Variants in SDK1 observed in about 807,000 individuals in gnomAD.
SDK1 encodes protein sidekick-1.
Under a neutral mutation model 245.5 loss-of-function variants are expected in SDK1, and 157 were observed. That is an observed-to-expected ratio of 0.64 (90% CI 0.56 to 0.73). The LOEUF is 0.73. Among genes scored for constraint, SDK1 ranks in the 30% least tolerant of loss-of-function variants. The pLI is 0.00. For missense variants in SDK1, 3,583 were observed against 3,002.3 expected, an observed-to-expected ratio of 1.19 and a Z score of -4.52; for synonymous variants, 1,647 against 1,278.5, an observed-to-expected ratio of 1.29 and a Z score of -6.15.
At chr7:3,518,599 C>G (rs970400654) in intron 1 of SDK1, among the ~76,000 whole-genome samples, 1 of 151,938 alleles carries the variant, frequency 6.6e-6, no homozygotes, top group Middle Eastern at 3.4e-3. Context: ...CATCACTAAT[C>G]AGGGAAATGC....
chr7:3,476,145 A>G (rs899471667), intron 1 of SDK1: 3 of 152,640 alleles, frequency 2.0e-5, no homozygotes, highest in African/African-American at 7.2e-5. Context: ...CGTTTCACTC[A>G]TGAAAGGTTT....
intron 1 of SDK1, among the ~76,000 whole-genome samples, chr7:3,361,427 C>A (rs1048283516): frequency 6.6e-6 from 1 of 152,160 alleles, no homozygotes; most frequent in African/African-American, 2.4e-5. Flanking sequence ...TTTTCTGTTT[C>A]AAGTTCTTGC....
At chr7:3,857,849 C>G (rs1393430983) in intron 5 of SDK1, among the ~76,000 whole-genome samples, 1 of 151,906 alleles carries the variant, frequency 6.6e-6, no homozygotes. Flanking sequence ...AGGAACATAC[C>G]ATTCACTGTA....
intron 4 of SDK1, among the ~76,000 whole-genome samples, chr7:3,656,661 A>G (rs1048166338): frequency 1.3e-5 from 2 of 151,720 alleles, no homozygotes; most frequent in African/African-American, 4.9e-5. Context: ...GACTCAACCC[A>G]TACATGCTCC....
chr7:3,635,166 G>A (rs1429300419), intron 2 of SDK1, among the ~76,000 whole-genome samples: 5 of 152,094 alleles, frequency 3.3e-5, no homozygotes, highest in African/African-American at 1.2e-4. Flanking sequence ...TTGGCTCTTT[G>A]CATTCAATTT....
intron 2 of SDK1, among the ~76,000 whole-genome samples, chr7:3,631,321 C>T (rs1782281568): frequency 6.6e-6 from 1 of 152,172 alleles, no homozygotes; most frequent in South Asian, 2.1e-4. Flanking sequence ...TAATTGAGAA[C>T]TCTTTTCTCA....
chr7:3,462,744 C>G (rs749957604), intron 1 of SDK1, among the ~76,000 whole-genome samples: 1 of 152,150 alleles, frequency 6.6e-6, no homozygotes, highest in African/African-American at 2.4e-5. Context: ...CCCCTCCTCT[C>G]TCTATTGCCG....
chr7:3,791,605 C>G (rs1022528362), intron 4 of SDK1, among the ~76,000 whole-genome samples: 5 of 152,134 alleles, frequency 3.3e-5, no homozygotes, highest in Admixed American at 6.5e-5. Context: ...GGGATGGTAC[C>G]ACTTGCTCCC....
At chr7:3,419,385 T>A (rs539159646) in intron 1 of SDK1, among the ~76,000 whole-genome samples, 2 of 152,320 alleles carry the variant, frequency 1.3e-5, no homozygotes, top group Non-Finnish European at 1.5e-5. Context: ...CTTGTGCCTC[T>A]GCCCTTTTGC....
At chr7:3,778,718 C>T (rs577034071) in intron 4 of SDK1, among the ~76,000 whole-genome samples, 1 of 152,150 alleles carries the variant, frequency 6.6e-6, no homozygotes, top group Non-Finnish European at 1.5e-5. Flanking sequence ...GTATACTTGG[C>T]GGAATGGCTG....
At chr7:3,494,946 C>A (rs1322025720) in intron 1 of SDK1, among the ~76,000 whole-genome samples, 1 of 152,238 alleles carries the variant, frequency 6.6e-6, no homozygotes, top group African/African-American at 2.4e-5. Flanking sequence ...TCTTGAGTTA[C>A]AAGCCATTAT....
intron 30 of SDK1, among the ~76,000 whole-genome samples, chr7:4,156,072 C>A (rs570372642): frequency 2.6e-5 from 4 of 152,284 alleles, no homozygotes; most frequent in Non-Finnish European, 5.9e-5. Context: ...CTCAGTTTCA[C>A]GATGCCTGTG....
intron 1 of SDK1, among the ~76,000 whole-genome samples, chr7:3,560,223 G>C (rs1018628407): frequency 6.6e-6 from 1 of 152,138 alleles, no homozygotes; most frequent in Non-Finnish European, 1.5e-5. Context: ...CGTATCTTTA[G>C]AAGTACGTAC....
chr7:3,623,679 G>A (rs189933221), intron 2 of SDK1, among the ~76,000 whole-genome samples: 2 of 152,170 alleles, frequency 1.3e-5, no homozygotes, highest in African/African-American at 4.8e-5. Context: ...TTTCCAGAAA[G>A]CATTTAGTCT....
At chr7:3,836,861 A>C (rs1468805707) in intron 5 of SDK1, among the ~76,000 whole-genome samples, 1 of 152,102 alleles carries the variant, frequency 6.6e-6, no homozygotes, top group Non-Finnish European at 1.5e-5. Flanking sequence ...GAAGTCCAAG[A>C]TGAAACCAGC....
intron 23 of SDK1, among the ~76,000 whole-genome samples, chr7:4,111,021 G>A (rs1783304680): frequency 6.6e-6 from 1 of 152,144 alleles, no homozygotes; most frequent in African/African-American, 2.4e-5. Flanking sequence ...ACACCCCATA[G>A]AAATGGCCCA....
At chr7:3,619,040 G>C in intron 1 of SDK1, 40 bp from the exon 2 acceptor site, 1 of 1,458,844 alleles carries the variant, frequency 6.9e-7, no homozygotes, top group African/African-American at 1.4e-5. Flanking sequence ...ACTTTCATGC[G>C]TACTTCAGTT....
At chr7:3,812,951 CT>C (rs1212165027) in intron 4 of SDK1, among the ~76,000 whole-genome samples, 7 of 152,104 alleles carry the variant, frequency 4.6e-5, no homozygotes, top group Non-Finnish European at 1.5e-5. Flanking sequence ...TCTTCTTTTG[CT>C]TTTAAGATGT....
At chr7:4,028,273 A>G (rs1583873705) in intron 17 of SDK1, among the ~76,000 whole-genome samples, 2 of 152,328 alleles carry the variant, frequency 1.3e-5, no homozygotes, top group African/African-American at 4.8e-5. Context: ...GATAGGTAGA[A>G]GAATGTAATA....
Sources: gnomAD v4.1 joint callset for allele counts (sites outside exome capture counted in the v4.1 genomes callset) on GRCh38, gnomAD v4.1.1 for gene constraint, MANE v1.5 for transcripts, NCBI Gene and HGNC (gene_info 2026-07-23, HGNC 2026-07-21) for gene names.